The following SEMA3A variants were observed in gnomAD, a reference collection of about 807,000 sequenced individuals.
SEMA3A encodes the protein semaphorin 3A, also known as semaphorin-3A.
A neutral mutation model predicts 97.9 loss-of-function variants in SEMA3A; 29 were observed. The observed-to-expected ratio is 0.30, with a 90% confidence interval of 0.22 to 0.40. The LOEUF is 0.40. Ranked by LOEUF, SEMA3A falls within the 10% of genes least tolerant of loss-of-function variation. The pLI, the probability that SEMA3A is intolerant of heterozygous loss-of-function variation, is 1.00. For synonymous variants in SEMA3A, 321 were observed against 323.7 expected (o/e 0.99, Z 0.09); for missense variants, 763 against 951.3 (o/e 0.80, Z 2.60).
Position 84,203,724 on chromosome 7 carries a change from G to T in SEMA3A, c.-82-9056C>A, listed in dbSNP as rs187783406. On this transcript the variant is annotated intron_variant, in intron 3 of 3. Transcript: ENST00000424555. ...TTTTTTAAATTTTAGTAGGGAGGGG[G>T]TTCACTAAGTTAGTCAGTCTGGTCT... Among the ~76,000 whole-genome samples, 358 of 150,994 alleles carry T rather than the reference G, an allele frequency of 2.4e-3. 2 individuals carry two copies. The highest frequency in any genetic ancestry group is 8.5e-3 in the African/African-American group (348 of 41,152).
chr7:84,218,412 T>C (rs1044393460), intron 3 of SEMA3A, among the ~76,000 whole-genome samples: 3 of 152,162 alleles, frequency 2.0e-5, no homozygotes, highest in African/African-American at 7.2e-5. Flanking sequence ...CATGATCTTA[T>C]CTTCTGCATT....
chr7:84,260,156 C>A (rs1457750591), intron 3 of SEMA3A, among the ~76,000 whole-genome samples: 2 of 152,108 alleles, frequency 1.3e-5, no homozygotes, highest in African/African-American at 4.8e-5. Flanking sequence ...ATAACTGAAT[C>A]ATTTAAGCGT....
intron 3 of SEMA3A, among the ~76,000 whole-genome samples, chr7:84,232,187 T>C (rs928781605): frequency 2.0e-5 from 3 of 150,184 alleles, no homozygotes; most frequent in Non-Finnish European, 3.0e-5. Context: ...GTATCACTTA[T>C]GAGAAAGAGG....
chr7:84,307,552 T>G (rs757991771), intron 2 of SEMA3A, among the ~76,000 whole-genome samples: 11 of 152,302 alleles, frequency 7.2e-5, no homozygotes, highest in Middle Eastern at 6.8e-3. Context: ...TTGAAAAAAT[T>G]CAGTATTTAG....
intron 1 of SEMA3A, among the ~76,000 whole-genome samples, chr7:84,465,216 A>G (rs1424345134): frequency 6.6e-6 from 1 of 152,166 alleles, no homozygotes; most frequent in Non-Finnish European, 1.5e-5. Context: ...TTTCTAATTG[A>G]TTCTGGGAGT....
chr7:84,174,119 T>A (rs1210051321), intron 1 of SEMA3A, among the ~76,000 whole-genome samples: 2 of 151,872 alleles, frequency 1.3e-5, no homozygotes, highest in African/African-American at 4.8e-5. Flanking sequence ...AAGCTGCATC[T>A]GGTGGCAGGC....
intron 1 of SEMA3A, among the ~76,000 whole-genome samples, chr7:84,184,100 T>C (rs1233608512): frequency 6.6e-6 from 1 of 152,128 alleles, no homozygotes; most frequent in Non-Finnish European, 1.5e-5. Context: ...GCCAGTCAGA[T>C]AAGTATTAAT....
chr7:84,076,925 G>A (rs1430439006), intron 4 of SEMA3A, among the ~76,000 whole-genome samples: 1 of 152,066 alleles, frequency 6.6e-6, no homozygotes, highest in East Asian at 1.9e-4. Context: ...TAAAATTAAT[G>A]GTAGAAACCA....
rs114039303 is a variant in SEMA3A at position 83,961,527 on chromosome 7, C to T, written c.2160G>A (p.Glu720=). 134 of 1,614,106 alleles carry T rather than the reference C, an allele frequency of 8.3e-5. No individual in the cohort carries two copies. The African/African-American group carries it at 1.6e-3, about 19-fold the overall frequency. The part of the protein sequence containing the change: ...INHPNLNTMD[E]FCEQVWKRDR... ...CCCTTTTCCAAACTTGTTCACAGAACTCATCCATTGTGTTGAGATTGGGGT... is the reference window on the plus strand; with the variant it reads ...CCCTTTTCCAAACTTGTTCACAGAATTCATCCATTGTGTTGAGATTGGGGT... Residue 720 remains glutamate (E), a synonymous_variant, in exon 17 of 17, where the codon GAG becomes GAA. Coordinates refer to ENST00000265362, the MANE Select transcript of SEMA3A (RefSeq NM_006080.3).
intron 4 of SEMA3A, among the ~76,000 whole-genome samples, chr7:84,064,262 G>A (rs1793384958): frequency 6.6e-6 from 1 of 152,002 alleles, no homozygotes; most frequent in African/African-American, 2.4e-5. Flanking sequence ...AAGAGCTCCT[G>A]AAGGAAGCAC....
At chr7:84,026,840 A>G (rs1479403276) in intron 6 of SEMA3A, among the ~76,000 whole-genome samples, 1 of 152,110 alleles carries the variant, frequency 6.6e-6, no homozygotes, top group Non-Finnish European at 1.5e-5. Flanking sequence ...ACTGGACTCT[A>G]CTTGAGGGTG....
chr7:83,956,674 C>T lies in SEMA3A; in HGVS notation c.*4697G>A, dbSNP rs934874712. The T allele has an allele frequency of 2.0e-5, 3 of 152,222 alleles. No individual in the cohort carries two copies. The East Asian group carries it at 5.8e-4, about 29-fold the overall frequency. 9.4% of individuals were successfully genotyped at this position (152,222 alleles called of 1,614,324 possible). ...ATCAAAACCCAGGAAAAAGCAAATG[C>T]ACCATTTTGACTCATAGTAGTGGGA... is the stretch of plus-strand genomic sequence containing the variant. On this transcript the variant is annotated 3_prime_UTR_variant, in exon 17 of 17. Transcript: ENST00000265362.
chr7:84,331,619 C>T (rs1006354103), intron 2 of SEMA3A, among the ~76,000 whole-genome samples: 8 of 151,814 alleles, frequency 5.3e-5, no homozygotes, highest in Admixed American at 1.3e-4. Context: ...AGGACGTCCA[C>T]AGGTGCCTGG....
At chr7:84,179,890 A>G (rs901686222) in intron 1 of SEMA3A, among the ~76,000 whole-genome samples, 1 of 147,878 alleles carries the variant, frequency 6.8e-6, no homozygotes, top group Non-Finnish European at 1.5e-5. Flanking sequence ...AAACACTCAC[A>G]TATTTGAGTT....
At chr7:84,333,005 T>C (rs1214578883) in intron 2 of SEMA3A, among the ~76,000 whole-genome samples, 1 of 152,146 alleles carries the variant, frequency 6.6e-6, no homozygotes, top group East Asian at 1.9e-4. Context: ...TCTTTAATAA[T>C]ATATCAGGAC....
At chr7:84,002,114 G>T in intron 11 of SEMA3A, 68 bp from the exon 12 acceptor site, 1 of 870,276 alleles carries the variant, frequency 1.1e-6, no homozygotes. Flanking sequence ...GTTAATGAAT[G>T]AAATATGTAT....
chr7:84,100,495 T>C (rs779015761), intron 4 of SEMA3A, among the ~76,000 whole-genome samples: 9 of 152,168 alleles, frequency 5.9e-5, no homozygotes, highest in African/African-American at 1.9e-4. Context: ...GATTTTGTGA[T>C]AATTAAGTAA....
intron 2 of SEMA3A, among the ~76,000 whole-genome samples, chr7:84,342,964 A>C (rs1419738401): frequency 6.6e-6 from 1 of 152,194 alleles, no homozygotes; most frequent in East Asian, 1.9e-4. Context: ...GCTAGTTATG[A>C]GTGAATAATA....
chr7:84,174,177 A>G (rs1797488287), intron 1 of SEMA3A, among the ~76,000 whole-genome samples: 1 of 152,066 alleles, frequency 6.6e-6, no homozygotes, highest in Non-Finnish European at 1.5e-5. Context: ...CAGTAAATGT[A>G]ATGTATTTGA....
Sources: gnomAD v4.1 joint callset for allele counts (sites outside exome capture counted in the v4.1 genomes callset) on GRCh38, gnomAD v4.1.1 for gene constraint, MANE v1.5 for transcripts, NCBI Gene and HGNC (gene_info 2026-07-23, HGNC 2026-07-21) for gene names.